Variants in CCBE1 observed in about 807,000 individuals in gnomAD.
CCBE1 encodes collagen and calcium-binding EGF domain-containing protein 1.
Under a neutral mutation model 50.0 loss-of-function variants are expected in CCBE1, and 37 were observed. That is an observed-to-expected ratio of 0.74 (90% CI 0.57 to 0.97). CCBE1 has a LOEUF of 0.97. Ranked by LOEUF, CCBE1 falls within the 50% of genes least tolerant of loss-of-function variation. The probability of loss-of-function intolerance (pLI) is 0.00; values close to 1 mark genes in which losing one functional copy is unlikely to be tolerated. For missense variants in CCBE1, 538 were observed against 523.8 expected, an observed-to-expected ratio of 1.03 and a Z score of -0.26; for synonymous variants, 234 against 203.7, an observed-to-expected ratio of 1.15 and a Z score of -1.27.
At chr18:59,557,680 C>T (rs2564496) in intron 2 of CCBE1, among the ~76,000 whole-genome samples, 6,696 of 152,186 alleles carry the variant, frequency 0.044, 493 homozygotes, top group African/African-American at 0.15. Context: ...ACCAAGTAAC[C>T]AATGGGGAAC....
At chr18:59,543,030 G>C (rs1249850068) in intron 2 of CCBE1, among the ~76,000 whole-genome samples, 1 of 152,134 alleles carries the variant, frequency 6.6e-6, no homozygotes, top group African/African-American at 2.4e-5. Context: ...AAAGTAACAA[G>C]CCAACAAGTA....
At chr18:59,511,611 ACATT>A (rs1914135591) in intron 2 of CCBE1, among the ~76,000 whole-genome samples, 1 of 152,240 alleles carries the variant, frequency 6.6e-6, no homozygotes, top group Non-Finnish European at 1.5e-5. Flanking sequence ...TCCACGAGGA[ACATT>A]CAAATTATTC....
chr18:59,555,179 T>A (rs1049842225), intron 2 of CCBE1, among the ~76,000 whole-genome samples: 1 of 152,170 alleles, frequency 6.6e-6, no homozygotes, highest in African/African-American at 2.4e-5. Context: ...TTTGGAACAC[T>A]TTTTTCTTGA....
At chr18:59,455,214 TC>T (rs1307563037) in intron 5 of CCBE1, 3 of 552,370 alleles carry the variant, frequency 5.4e-6, no homozygotes, top group Non-Finnish European at 9.9e-6. Context: ...ACCCTGATCT[TC>T]CTTTCATGTG....
At chr18:59,644,027 G>A (rs1467847277) in intron 2 of CCBE1, among the ~76,000 whole-genome samples, 1 of 152,122 alleles carries the variant, frequency 6.6e-6, no homozygotes, top group African/African-American at 2.4e-5. Context: ...CAACCTTTTT[G>A]GTACCAGGGA....
intron 2 of CCBE1, among the ~76,000 whole-genome samples, chr18:59,589,372 C>T (rs151029021): frequency 9.2e-5 from 14 of 152,230 alleles, no homozygotes; most frequent in Non-Finnish European, 1.9e-4. Context: ...TTCTACAAAC[C>T]GTCAAAGACC....
At chr18:59,589,625 C>T (rs2053230320) in intron 2 of CCBE1, among the ~76,000 whole-genome samples, 1 of 151,730 alleles carries the variant, frequency 6.6e-6, no homozygotes, top group Admixed American at 6.6e-5. Flanking sequence ...GAAACCCCGT[C>T]TCTACTAAAA....
intron 2 of CCBE1, among the ~76,000 whole-genome samples, chr18:59,667,611 A>G (rs2054373976): frequency 6.6e-6 from 1 of 152,112 alleles, no homozygotes; most frequent in Non-Finnish European, 1.5e-5. Context: ...ATACCAACCC[A>G]CCGCTCTGGA....
Position 59,617,715 on chromosome 18 carries a change from T to C in CCBE1, c.212+78914A>G, listed in dbSNP as rs137861128. 2.6e-3 allele frequency among the ~76,000 whole-genome samples: 389 copies of C among 152,346 alleles called. 10 individuals are homozygous for C. In the East Asian group the frequency reaches 0.037, roughly 15 times the overall value. Reference sequence around the variant, plus strand: ...TTTTACCACACAGCCCTTTAGATTGTAGGCTTGTAAAGCATCTGCATTAGT... The same window carrying C: ...TTTTACCACACAGCCCTTTAGATTGCAGGCTTGTAAAGCATCTGCATTAGT... On this transcript the variant is annotated intron_variant, in intron 2 of 10. Coordinates refer to ENST00000439986, the MANE Select transcript of CCBE1 (RefSeq NM_133459.4).
intron 2 of CCBE1, among the ~76,000 whole-genome samples, chr18:59,654,791 C>CA (rs34690890): frequency 0.59 from 55,541 of 94,160 alleles, 15,174 homozygotes; most frequent in Non-Finnish European, 0.64. Flanking sequence ...ACTCCGTCTC[C>CA]AAAAAAAAAA....
chr18:59,561,860 TGA>T (rs2052744087), intron 2 of CCBE1, among the ~76,000 whole-genome samples: 1 of 152,092 alleles, frequency 6.6e-6, no homozygotes, highest in Non-Finnish European at 1.5e-5. Context: ...GTGGATGGTG[TGA>T]GAGTAAGCTC....
chr18:59,611,188 C>T (rs2053564327), intron 2 of CCBE1, among the ~76,000 whole-genome samples: 1 of 152,246 alleles, frequency 6.6e-6, no homozygotes, highest in Non-Finnish European at 1.5e-5. Flanking sequence ...CACACTGCAG[C>T]TCTTCCCTTC....
chr18:59,682,903 A>C (rs2054610374), intron 2 of CCBE1, among the ~76,000 whole-genome samples: 1 of 152,246 alleles, frequency 6.6e-6, no homozygotes, highest in East Asian at 1.9e-4. Flanking sequence ...AGAATGTCCA[A>C]AACAGAGTTC....
intron 2 of CCBE1, among the ~76,000 whole-genome samples, chr18:59,584,464 AC>A (rs1380951220): frequency 6.6e-6 from 1 of 152,112 alleles, no homozygotes; most frequent in Non-Finnish European, 1.5e-5. Flanking sequence ...ACTAACCTGT[AC>A]ATTGTGCACA....
chr18:59,594,643 T>C lies in CCBE1; in HGVS notation c.212+101986A>G, dbSNP rs117382526. 2.1e-3 allele frequency among the ~76,000 whole-genome samples: 314 copies of C among 152,264 alleles called. 4 individuals are homozygous for C. The East Asian group carries it at 0.032, about 15-fold the overall frequency. ...TTTAGTTCTGCTTGGAAAGTGAACT[T>C]TCTTAAAAGGGGAAAAGATCTTCAA... On this transcript the variant is annotated intron_variant, in intron 2 of 10. Transcript: ENST00000439986.
At chr18:59,595,064 A>G (rs1054529157) in intron 2 of CCBE1, among the ~76,000 whole-genome samples, 1 of 149,626 alleles carries the variant, frequency 6.7e-6, no homozygotes, top group Non-Finnish European at 1.5e-5. Context: ...GTGAGCGGAG[A>G]ATTTGCCACT....
intron 2 of CCBE1, among the ~76,000 whole-genome samples, chr18:59,666,730 G>A (rs944904402): frequency 2.0e-5 from 3 of 152,146 alleles, no homozygotes; most frequent in South Asian, 2.1e-4. Flanking sequence ...ACGTTGGGAG[G>A]CCGAGGTGGA....
chr18:59,656,314 A>G (rs6567109), intron 2 of CCBE1, among the ~76,000 whole-genome samples: 8,042 of 152,312 alleles, frequency 0.053, 493 homozygotes, highest in African/African-American at 0.15. Context: ...TGTACTATAC[A>G]TAAATAGAGC....
chr18:59,629,983 G>T lies in CCBE1; in HGVS notation c.212+66646C>A, dbSNP rs531197851. 3.3e-5 allele frequency among the ~76,000 whole-genome samples: 5 copies of T among 152,316 alleles called. No homozygotes were observed. In the East Asian group the frequency reaches 9.7e-4, roughly 29 times the overall value. On this transcript the variant is annotated intron_variant, in intron 2 of 10. Transcript: ENST00000439986. ...GCAGGGGCACACTGCAGTCTGCAGG[G>T]AAAAGAAAGTTTCCAGAAAAGGAGC...
Sources: allele counts gnomAD v4.1 joint callset (sites outside exome capture counted in the v4.1 genomes callset), GRCh38; gene constraint gnomAD v4.1.1; transcripts MANE v1.5; gene names NCBI Gene and HGNC (gene_info 2026-07-23, HGNC 2026-07-21).